The following ERLIN1 variants were observed in gnomAD, a reference collection of about 807,000 sequenced individuals.
The protein encoded by ERLIN1 is erlin-1.
A neutral mutation model predicts 46.9 loss-of-function variants in ERLIN1; 24 were observed. That is an observed-to-expected ratio of 0.51 (90% confidence interval 0.37 to 0.72). The LOEUF (loss-of-function observed/expected upper bound fraction) is 0.72. ERLIN1 is among the 30% of genes least tolerant of loss of function. The pLI, the probability that ERLIN1 is intolerant of heterozygous loss-of-function variation, is 0.00. For missense variants in ERLIN1, 293 were observed against 417.9 expected (o/e 0.70, Z 2.61); for synonymous variants, 158 against 143.2 (o/e 1.10, Z -0.74).
rs370430621 is a variant in ERLIN1, at chr10:100,185,879, T to A, written c.-253A>T. 4 of 537,452 alleles carry A rather than the reference T, an allele frequency of 7.4e-6. No homozygotes were observed. In the South Asian group the frequency reaches 7.5e-5, roughly 10 times the overall value. 33.3% of individuals were successfully genotyped at this position (537,452 alleles called of 1,614,324 possible). On this transcript the variant is annotated 5_prime_UTR_variant, in exon 1 of 11. Transcript: ENST00000421367. ...TTCCTGAAACTCCCTCTCCCAAGGG[T>A]CGCTCCCGGGTGGAAGGCACTAACT...
intron 10 of ERLIN1, among the ~76,000 whole-genome samples, chr10:100,152,809 G>C (rs1178102942): frequency 1.3e-5 from 2 of 152,018 alleles, no homozygotes; most frequent in Non-Finnish European, 2.9e-5. Context: ...TCCTACCTTG[G>C]CCTCCCAAAG....
chr10:100,160,504 T>C (rs1335291275), intron 8 of ERLIN1, among the ~76,000 whole-genome samples: 1 of 152,074 alleles, frequency 6.6e-6, no homozygotes, highest in East Asian at 1.9e-4. Context: ...AAGGTAAAAA[T>C]TCTAAAGAAA....
At chr10:100,152,396 T>C (rs1248325924) in intron 10 of ERLIN1, 44 bp from the exon 11 acceptor site, 1 of 1,077,044 alleles carries the variant, frequency 9.3e-7, no homozygotes, top group Middle Eastern at 2.0e-4. Context: ...AATACTCTGG[T>C]GCAACAGTCT....
chr10:100,165,585 A>T (rs1477757963), intron 7 of ERLIN1, among the ~76,000 whole-genome samples: 1 of 151,724 alleles, frequency 6.6e-6, no homozygotes, highest in Non-Finnish European at 1.5e-5. Flanking sequence ...ACGGGGTTTC[A>T]TTGTGTTAGC....
intron 8 of ERLIN1, among the ~76,000 whole-genome samples, chr10:100,161,478 T>C (rs1843361935): frequency 1.3e-5 from 2 of 152,290 alleles, no homozygotes; most frequent in South Asian, 2.1e-4. Flanking sequence ...TATCATAATT[T>C]TCTCCAAATT....
chr10:100,183,870 TAAAAAGAAA>T (rs1589562927), intron 1 of ERLIN1, 33 bp from the exon 2 acceptor site: 19 of 1,477,102 alleles, frequency 1.3e-5, no homozygotes, highest in Non-Finnish European at 1.8e-5. Flanking sequence ...GACAAAATTA[TAAAAAGAAA>T]AATTATCTTT....
intron 7 of ERLIN1, 136 bp from the exon 8 acceptor site, chr10:100,164,231 A>G: frequency 1.7e-6 from 1 of 572,644 alleles, no homozygotes; most frequent in African/African-American, 1.9e-5. Flanking sequence ...AGGTTAAGAG[A>G]GGTGTTACTT....
At chr10:100,158,409 GCC>G (rs1350362153) in intron 8 of ERLIN1, among the ~76,000 whole-genome samples, 2 of 152,140 alleles carry the variant, frequency 1.3e-5, no homozygotes, top group Non-Finnish European at 2.9e-5. Flanking sequence ...AAATAATACT[GCC>G]ATATTGATAA....
intron 2 of ERLIN1, among the ~76,000 whole-genome samples, chr10:100,180,963 T>C (rs905616274): frequency 6.6e-6 from 1 of 152,156 alleles, no homozygotes; most frequent in East Asian, 1.9e-4. Context: ...GATATAAAAT[T>C]CCAGGAGGGG....
chr10:100,177,022 T>G (rs2134166308), intron 4 of ERLIN1, among the ~76,000 whole-genome samples: 1 of 152,152 alleles, frequency 6.6e-6, no homozygotes, highest in Non-Finnish European at 1.5e-5. Context: ...CTAGGGAGGC[T>G]GAGGCAGGAG....
At chr10:100,158,122 A>G (rs2134110856) in intron 8 of ERLIN1, among the ~76,000 whole-genome samples, 1 of 152,264 alleles carries the variant, frequency 6.6e-6, no homozygotes, top group South Asian at 2.1e-4. Flanking sequence ...AGACCAGGAG[A>G]TGAGGCCTTG....
intron 8 of ERLIN1, among the ~76,000 whole-genome samples, chr10:100,160,661 T>G (rs935086628): frequency 2.0e-5 from 3 of 152,140 alleles, no homozygotes; most frequent in African/African-American, 7.2e-5. Context: ...AGAAAAAATT[T>G]TCAGACTGGG....
intron 8 of ERLIN1, among the ~76,000 whole-genome samples, chr10:100,156,536 T>A (rs2134106433): frequency 6.6e-6 from 1 of 152,316 alleles, no homozygotes; most frequent in East Asian, 1.9e-4. Context: ...GAAAAAAAGA[T>A]ACTTTATGAA....
chr10:100,176,160 T>C (rs940045145), intron 4 of ERLIN1, 90 bp from the exon 5 acceptor site: 1 of 1,143,976 alleles, frequency 8.7e-7, no homozygotes, highest in East Asian at 2.7e-5. Flanking sequence ...GGGTGATATA[T>C]TACACATGAG....
At chr10:100,174,376 A>C (rs1844174802) in intron 5 of ERLIN1, 95 bp from the exon 6 acceptor site, 6 of 871,194 alleles carry the variant, frequency 6.9e-6, no homozygotes, top group Non-Finnish European at 1.1e-5. Flanking sequence ...TTAGACCTAA[A>C]GTTTCCACAG....
At chr10:100,159,520 A>G (rs1254858165) in intron 8 of ERLIN1, among the ~76,000 whole-genome samples, 1 of 152,194 alleles carries the variant, frequency 6.6e-6, no homozygotes, top group African/African-American at 2.4e-5. Flanking sequence ...GTGTACAGGT[A>G]GGCCACAAAG....
intron 7 of ERLIN1, among the ~76,000 whole-genome samples, chr10:100,166,514 A>C (rs983124190): frequency 1.6e-4 from 24 of 152,246 alleles, no homozygotes; most frequent in African/African-American, 5.8e-4. Context: ...TAAAAGAAGA[A>C]AAAAACAATA....
chr10:100,182,872 T>C (rs183098945), intron 2 of ERLIN1, among the ~76,000 whole-genome samples: 1 of 152,188 alleles, frequency 6.6e-6, no homozygotes, highest in East Asian at 1.9e-4. Context: ...AAAATAAATA[T>C]GGAACAACAT....
At chr10:100,176,101 T>C (rs1844283172) in intron 4 of ERLIN1, 31 bp from the exon 5 acceptor site, 2 of 1,593,100 alleles carry the variant, frequency 1.3e-6, no homozygotes, top group Admixed American at 1.7e-5. Context: ...ATGTTTGTTT[T>C]ACCCAACAAT....
Sources: gnomAD v4.1 joint callset for allele counts (sites outside exome capture counted in the v4.1 genomes callset) on GRCh38, gnomAD v4.1.1 for gene constraint, MANE v1.5 for transcripts, NCBI Gene and HGNC (gene_info 2026-07-23, HGNC 2026-07-21) for gene names.